PARD3B: variants seen among roughly 807,000 people sequenced by gnomAD.
PARD3B encodes partitioning defective 3 homolog B.
PARD3B carries 103 observed loss-of-function variants against 130.2 expected under a neutral mutation model. That is an observed-to-expected ratio of 0.79 (90% CI 0.67 to 0.93). PARD3B has a LOEUF of 0.93. PARD3B is among the 40% of genes least tolerant of loss of function. The pLI, the probability that PARD3B is intolerant of heterozygous loss-of-function variation, is 0.00. For missense variants in PARD3B, 1,609 were observed against 1,499.2 expected (o/e 1.07, Z -1.21); for synonymous variants, 583 against 553.2 (o/e 1.05, Z -0.76).
At chr2:205,226,195 C>T (rs1219222880) in intron 15 of PARD3B, among the ~76,000 whole-genome samples, 1 of 152,180 alleles carries the variant, frequency 6.6e-6, no homozygotes, top group Non-Finnish European at 1.5e-5. Flanking sequence ...GTGCCTGCCA[C>T]CACGCCCGGC....
chr2:205,171,058 A>T (rs983502190), intron 11 of PARD3B, among the ~76,000 whole-genome samples: 2 of 152,218 alleles, frequency 1.3e-5, no homozygotes, highest in Admixed American at 6.5e-5. Flanking sequence ...GAAAATATAA[A>T]TCTTAAATTC....
Position 205,589,683 on chromosome 2 carries a change from G to C in PARD3B, c.3261-25773G>C, listed in dbSNP as rs73062203. On this transcript the variant is annotated intron_variant, in intron 22 of 22. Transcript: ENST00000406610. This position sits in a 1 kb window ranked among gnomAD's most constrained non-coding sequence, Gnocchi z 4.1. ...CCCTCACATTGTTGTCTCTATTGGA[G>C]AATTGCTAGAGGACTCGAGTTAGGG... Among the ~76,000 whole-genome samples, 2,226 of 152,252 alleles carry C rather than the reference G, an allele frequency of 0.015. 64 individuals are homozygous for C. Among genetic ancestry groups the C allele is most frequent in the African/African-American group, 0.051 (2,132 of 41,528 alleles).
At chr2:205,536,484 A>G (rs2106446109) in intron 21 of PARD3B, among the ~76,000 whole-genome samples, 1 of 152,278 alleles carries the variant, frequency 6.6e-6, no homozygotes, top group East Asian at 1.9e-4. Flanking sequence ...TGACCCTCAA[A>G]TTGAAAGTGA....
rs537703332 is a variant in PARD3B, at chr2:204,823,681, T to C, written c.222+137399T>C. On this transcript the variant is annotated intron_variant, in intron 2 of 22. Coordinates refer to ENST00000406610, the MANE Select transcript of PARD3B (RefSeq NM_001302769.2). Reference sequence around the variant, plus strand: ...GTGGCTGGGCACAGTTGCTCAAGCCTGTAATCCCAGCACTTTGGAAGGCCA... The same window carrying C: ...GTGGCTGGGCACAGTTGCTCAAGCCCGTAATCCCAGCACTTTGGAAGGCCA... 9.8e-5 allele frequency among the ~76,000 whole-genome samples: 15 copies of C among 152,290 alleles called. No homozygotes were observed. The Middle Eastern group carries it at 0.01, about 104-fold the overall frequency.
intron 2 of PARD3B, among the ~76,000 whole-genome samples, chr2:204,726,641 T>A (rs556116129): frequency 6.6e-6 from 1 of 152,288 alleles, no homozygotes; most frequent in African/African-American, 2.4e-5. Context: ...CTTTCTCAGT[T>A]CCTTACCTTA....
intron 3 of PARD3B, among the ~76,000 whole-genome samples, chr2:205,012,361 A>G (rs16836839): frequency 0.014 from 2,085 of 152,214 alleles, 43 homozygotes; most frequent in African/African-American, 0.042. Flanking sequence ...ATAATTTCCA[A>G]TACATATCCT....
chr2:205,119,210 A>C (rs2030329629), intron 7 of PARD3B, among the ~76,000 whole-genome samples, 164 bp downstream of exon 7: 1 of 152,164 alleles, frequency 6.6e-6, no homozygotes, highest in Admixed American at 6.5e-5. Context: ...TAGCCTACTC[A>C]AAGGTGGCCC....
chr2:204,596,895 G>T (rs2033311687), intron 1 of PARD3B, among the ~76,000 whole-genome samples: 1 of 151,476 alleles, frequency 6.6e-6, no homozygotes, highest in African/African-American at 2.4e-5. Flanking sequence ...TCCAGCCTGG[G>T]CAACAAGAGA....
At chr2:204,966,322 G>A (rs911322079) in intron 3 of PARD3B, among the ~76,000 whole-genome samples, 1 of 152,122 alleles carries the variant, frequency 6.6e-6, no homozygotes, top group Admixed American at 6.5e-5. Context: ...AATGACCTAT[G>A]GTCTAAGTGG....
intron 11 of PARD3B, among the ~76,000 whole-genome samples, chr2:205,171,496 T>A (rs1243690700): frequency 1.3e-5 from 2 of 152,198 alleles, no homozygotes; most frequent in Non-Finnish European, 2.9e-5. Context: ...CGAGGTTCTT[T>A]GTGCTTTGTA....
At chr2:204,666,039 T>C (rs1453987934) in intron 1 of PARD3B, among the ~76,000 whole-genome samples, 1 of 152,192 alleles carries the variant, frequency 6.6e-6, no homozygotes, top group East Asian at 1.9e-4. Flanking sequence ...ATGATGATCT[T>C]TTCCATGCAG....
At chr2:205,467,977 A>G (rs538153103) in intron 20 of PARD3B, among the ~76,000 whole-genome samples, 1 of 152,326 alleles carries the variant, frequency 6.6e-6, no homozygotes, top group South Asian at 2.1e-4. Flanking sequence ...TTCAATATCT[A>G]GAAAAATGTT....
chr2:205,450,841 C>T (rs1396137237), intron 20 of PARD3B, among the ~76,000 whole-genome samples: 9 of 152,182 alleles, frequency 5.9e-5, no homozygotes. Flanking sequence ...TCATTACACA[C>T]TGAGCTACTT....
intron 2 of PARD3B, among the ~76,000 whole-genome samples, chr2:204,714,343 A>C (rs2038613592): frequency 6.6e-6 from 1 of 152,174 alleles, no homozygotes; most frequent in Admixed American, 6.5e-5. Flanking sequence ...AGACCAAAAA[A>C]TCCAAACTCT....
rs371374087 is a variant in PARD3B at position 204,558,860 on chromosome 2, C to T, written c.120+12741C>T. 2.5e-4 allele frequency among the ~76,000 whole-genome samples: 38 copies of T among 152,194 alleles called. No individual in the cohort carries two copies. In the East Asian group the frequency reaches 3.3e-3, roughly 13 times the overall value. The stretch of plus-strand genomic sequence containing the variant: ...AAAACAGAGATATAGACCAATGGAA[C>T]GGAACAGAGGCCTCAGAAATAACAA... On this transcript the variant is annotated intron_variant, in intron 1 of 22. Transcript: ENST00000406610.
At chr2:205,211,004 T>A (rs1031479601) in intron 15 of PARD3B, among the ~76,000 whole-genome samples, 3 of 152,168 alleles carry the variant, frequency 2.0e-5, no homozygotes, top group African/African-American at 7.2e-5. Context: ...TACATGCTAA[T>A]GAATACATTT....
chr2:205,073,888 A>T (rs182115848), intron 4 of PARD3B, among the ~76,000 whole-genome samples: 173 of 152,294 alleles, frequency 1.1e-3, no homozygotes, highest in African/African-American at 4.0e-3. Context: ...CTTATAAACA[A>T]CAAATTGAAG....
chr2:205,041,707 T>C (rs990624104), intron 3 of PARD3B, among the ~76,000 whole-genome samples: 2 of 152,014 alleles, frequency 1.3e-5, no homozygotes, highest in African/African-American at 4.8e-5. Flanking sequence ...CTGGTTATGC[T>C]CAGGAGAATC....
intron 2 of PARD3B, among the ~76,000 whole-genome samples, chr2:204,844,281 A>G (rs577666118): frequency 6.6e-6 from 1 of 152,268 alleles, no homozygotes; most frequent in South Asian, 2.1e-4. Context: ...CTGAGAGTAA[A>G]TAATTTTAGT....
Sources: allele counts gnomAD v4.1 joint callset (sites outside exome capture counted in the v4.1 genomes callset), GRCh38; gene constraint gnomAD v4.1.1; non-coding constraint Gnocchi (gnomAD v3.1); transcripts MANE v1.5; gene names NCBI Gene and HGNC (gene_info 2026-07-23, HGNC 2026-07-21).